Variants in SGIP1 observed in about 807,000 individuals in gnomAD.
The protein encoded by SGIP1 is SH3-containing GRB2-like protein 3-interacting protein 1.
SGIP1 carries 38 observed loss-of-function variants against 107.5 expected under a neutral mutation model. The observed-to-expected ratio is 0.35, with a 90% CI of 0.27 to 0.46. SGIP1 has a LOEUF of 0.46. Among genes scored for constraint, SGIP1 ranks in the 20% least tolerant of loss-of-function variants. The pLI, the probability that SGIP1 is intolerant of heterozygous loss-of-function variation, is 1.00. For synonymous variants in SGIP1, 365 were observed against 366.1 expected, an observed-to-expected ratio of 1.00 and a Z score of 0.03; for missense variants, 929 against 1,019.5, an observed-to-expected ratio of 0.91 and a Z score of 1.21.
rs144850688 is a variant in SGIP1, at chr1:66,728,262, G to A, written c.1743-1002G>A. On this transcript the variant is annotated intron_variant, in intron 19 of 24. Coordinates refer to ENST00000371037, the MANE Select transcript of SGIP1 (RefSeq NM_032291.4). Reference sequence around the variant, plus strand: ...AAGTAAGACAAGTCCAGGAAATAATGTGATAACATTGTACAATATACTATC... The same window carrying A: ...AAGTAAGACAAGTCCAGGAAATAATATGATAACATTGTACAATATACTATC... Among the ~76,000 whole-genome samples, 10 of 152,258 alleles carry A rather than the reference G, an allele frequency of 6.6e-5. No individual in the cohort carries two copies. The East Asian group carries it at 1.7e-3, about 26-fold the overall frequency.
chr1:66,586,654 C>G (rs1363963734), intron 1 of SGIP1, among the ~76,000 whole-genome samples: 1 of 152,016 alleles, frequency 6.6e-6, no homozygotes, highest in African/African-American at 2.4e-5. Flanking sequence ...CCTCTATATG[C>G]TTTTAGCACC....
intron 1 of SGIP1, among the ~76,000 whole-genome samples, chr1:66,595,830 C>T (rs1356998252): frequency 2.0e-5 from 3 of 152,134 alleles, no homozygotes; most frequent in African/African-American, 7.2e-5. Context: ...CAAAATGGTA[C>T]ATACTGTATG....
At chr1:66,632,618 A>G (rs931331631) in intron 2 of SGIP1, among the ~76,000 whole-genome samples, 1 of 152,132 alleles carries the variant, frequency 6.6e-6, no homozygotes, top group Non-Finnish European at 1.5e-5. Flanking sequence ...TAGCCACTGC[A>G]CTCCAGCCTG....
At chr1:66,545,593 A>G in intron 1 of SGIP1, among the ~76,000 whole-genome samples, 1 of 150,122 alleles carries the variant, frequency 6.7e-6, no homozygotes, top group East Asian at 2.0e-4. Flanking sequence ...CACTTGTAGC[A>G]CTTGGAGTTC....
intron 1 of SGIP1, among the ~76,000 whole-genome samples, chr1:66,616,355 A>G (rs2149220431): frequency 6.6e-6 from 1 of 152,314 alleles, no homozygotes; most frequent in Middle Eastern, 3.4e-3. Flanking sequence ...TGATCTGTTA[A>G]AAGAGCTGAT....
At chr1:66,706,021 G>C (rs1228429591) in intron 18 of SGIP1, among the ~76,000 whole-genome samples, 1 of 151,770 alleles carries the variant, frequency 6.6e-6, no homozygotes, top group Non-Finnish European at 1.5e-5. Flanking sequence ...CATGTATCCC[G>C]GAACTTAGAG....
chr1:66,713,116 T>A (rs1044444704), intron 18 of SGIP1, among the ~76,000 whole-genome samples: 52 of 152,202 alleles, frequency 3.4e-4, no homozygotes, highest in Non-Finnish European at 3.2e-4. Context: ...TGCATCACAG[T>A]TCTGTTTTGA....
At position 66,693,256 on chromosome 1, in the gene SGIP1, T is replaced by TAATAAATAAATAAATAAATAAATA. The variant is rs3077736; in HGVS notation, c.1571-2171_1571-2148dup. On this transcript the variant is annotated intron_variant, in intron 17 of 24. Transcript: ENST00000371037. ...AGATTCTCATCTCAGTTTTTAAAAA[T>TAATAAATAAATAAATAAATAAATA]AATAAATAAATAAATAAATAAATAA... 6.9e-4 allele frequency among the ~76,000 whole-genome samples: 99 copies of TAATAAATAAATAAATAAATAAATA among 142,656 alleles called. 1 individual carries two copies. The highest frequency in any genetic ancestry group is 2.1e-3 in the Admixed American group (30 of 14,258). 93.6% of individuals were successfully genotyped at this position (142,656 alleles called of 152,430 possible).
chr1:66,602,111 A>T lies in SGIP1; in HGVS notation c.11-23736A>T, dbSNP rs185213337. Among the ~76,000 whole-genome samples, 4 of 152,362 alleles carry T rather than the reference A, an allele frequency of 2.6e-5. No homozygotes were observed. The East Asian group carries it at 5.8e-4, about 22-fold the overall frequency. ...GAATCAGTGATCTGGAGAAAGCAGAACATTGGCCTCTCAGACCCCTGGGAT... is the reference window on the plus strand; with the variant it reads ...GAATCAGTGATCTGGAGAAAGCAGATCATTGGCCTCTCAGACCCCTGGGAT... On this transcript the variant is annotated intron_variant, in intron 1 of 24. Transcript: ENST00000371037.
chr1:66,618,404 A>T (rs1404131066), intron 1 of SGIP1, among the ~76,000 whole-genome samples: 3 of 150,008 alleles, frequency 2.0e-5, no homozygotes, highest in Admixed American at 6.6e-5. Flanking sequence ...TCATTAGTTT[A>T]AAAAAAATGA....
chr1:66,624,595 TAGTC>T (rs1246196067), intron 1 of SGIP1, among the ~76,000 whole-genome samples: 1 of 152,202 alleles, frequency 6.6e-6, no homozygotes, highest in Non-Finnish European at 1.5e-5. Flanking sequence ...ATGACTCAGA[TAGTC>T]TGAGTGGTTT....
At chr1:66,615,480 T>C (rs1309470447) in intron 1 of SGIP1, among the ~76,000 whole-genome samples, 1 of 152,192 alleles carries the variant, frequency 6.6e-6, no homozygotes, top group Non-Finnish European at 1.5e-5. Flanking sequence ...ACTTGAACGA[T>C]TAAATGATAC....
chr1:66,608,689 G>T (rs577471149), intron 1 of SGIP1, among the ~76,000 whole-genome samples: 23 of 152,102 alleles, frequency 1.5e-4, no homozygotes, highest in Admixed American at 8.5e-4. Flanking sequence ...TGCCCCCTTG[G>T]CTCATTCTGA....
intron 1 of SGIP1, among the ~76,000 whole-genome samples, chr1:66,558,608 A>G (rs1207776669): frequency 6.6e-6 from 1 of 152,042 alleles, no homozygotes; most frequent in Non-Finnish European, 1.5e-5. Context: ...TGTTCTGGCT[A>G]CCAAACAGGC....
chr1:66,618,932 AT>A (rs2070183153), intron 1 of SGIP1, among the ~76,000 whole-genome samples: 1 of 152,212 alleles, frequency 6.6e-6, no homozygotes, highest in Non-Finnish European at 1.5e-5. Context: ...GATTCTGAGT[AT>A]GGTCACATAT....
chr1:66,556,058 C>T (rs1008826525), intron 1 of SGIP1, among the ~76,000 whole-genome samples: 1 of 152,132 alleles, frequency 6.6e-6, no homozygotes, highest in Non-Finnish European at 1.5e-5. Flanking sequence ...TTGAGTATCT[C>T]ACCAGAGTAA....
chr1:66,702,812 C>T (rs1326403823), intron 18 of SGIP1, among the ~76,000 whole-genome samples: 4 of 152,088 alleles, frequency 2.6e-5, no homozygotes, highest in Admixed American at 6.6e-5. Context: ...AATAGATAAA[C>T]ATTGGGCAAC....
chr1:66,586,586 A>C (rs2062653712), intron 1 of SGIP1, among the ~76,000 whole-genome samples: 1 of 152,122 alleles, frequency 6.6e-6, no homozygotes, highest in South Asian at 2.1e-4. Flanking sequence ...ATAAAACCTT[A>C]CTTTCCTTTA....
chr1:66,749,442 GT>G lies in SGIP1; in HGVS notation c.*6357del, dbSNP rs10646867. On this transcript the variant is annotated 3_prime_UTR_variant, in exon 25 of 25. Coordinates refer to ENST00000371037, the MANE Select transcript of SGIP1 (RefSeq NM_032291.4). ...ACTCTTTTAATGAGCATTTCATAGG[GT>G]TTTTTTTTTGCTGTTTTTTTTTCTT... Among the ~76,000 whole-genome samples the G allele has an allele frequency of 3.3e-4, 49 of 146,640 alleles. No individual in the cohort carries two copies. The highest frequency in any genetic ancestry group is 1.3e-3 in the South Asian group (6 of 4,640).
Sources: allele counts gnomAD v4.1 joint callset (sites outside exome capture counted in the v4.1 genomes callset), GRCh38; gene constraint gnomAD v4.1.1; transcripts MANE v1.5; gene names NCBI Gene and HGNC (gene_info 2026-07-23, HGNC 2026-07-21).